Variants in STXBP5L observed in about 807,000 individuals in gnomAD.
STXBP5L encodes syntaxin-binding protein 5-like.
STXBP5L carries 65 observed loss-of-function variants against 144.5 expected under a neutral mutation model. The observed-to-expected ratio is 0.45, with a 90% CI of 0.37 to 0.55. The LOEUF is 0.55. Ranked by LOEUF, STXBP5L falls within the 20% of genes least tolerant of loss-of-function variation. STXBP5L has a pLI of 0.00. For synonymous variants in STXBP5L, 505 were observed against 469.6 expected (o/e 1.08, Z -0.97); for missense variants, 1,298 against 1,405.5 (o/e 0.92, Z 1.22).
At chr3:121,313,715 C>T (rs1338406610) in intron 19 of STXBP5L, among the ~76,000 whole-genome samples, 7 of 83,538 alleles carry the variant, frequency 8.4e-5, no homozygotes, top group South Asian at 6.7e-4. Context: ...CCGGACGGGG[C>T]GGCTGGCCGG....
chr3:121,027,100 T>C (rs1440060429), intron 3 of STXBP5L, among the ~76,000 whole-genome samples: 1 of 150,960 alleles, frequency 6.6e-6, no homozygotes. Flanking sequence ...TGTATATATG[T>C]ATATATATAT....
intron 3 of STXBP5L, among the ~76,000 whole-genome samples, chr3:121,027,569 C>T (rs566576171): frequency 3.3e-5 from 5 of 152,136 alleles, no homozygotes; most frequent in Admixed American, 1.3e-4. Context: ...CCTTTCCATC[C>T]TCAAAGTCCA....
chr3:121,165,531 T>A (rs1305252012), intron 9 of STXBP5L, among the ~76,000 whole-genome samples: 1 of 152,200 alleles, frequency 6.6e-6, no homozygotes, highest in African/African-American at 2.4e-5. Context: ...AGGTTGGACA[T>A]CTCTTTCCTT....
chr3:121,398,433 C>T (rs1356379813), intron 22 of STXBP5L, among the ~76,000 whole-genome samples: 2 of 152,228 alleles, frequency 1.3e-5, no homozygotes, highest in Admixed American at 6.5e-5. Context: ...GGAAATGCCC[C>T]AGTTTAGAAC....
intron 5 of STXBP5L, among the ~76,000 whole-genome samples, chr3:121,103,371 A>G (rs1576965475): frequency 6.6e-6 from 1 of 152,288 alleles, no homozygotes; most frequent in South Asian, 2.1e-4. Flanking sequence ...AAGAAAATGA[A>G]GTCATGTTCT....
intron 3 of STXBP5L, among the ~76,000 whole-genome samples, chr3:121,013,637 T>C (rs1178277123): frequency 6.6e-6 from 1 of 152,030 alleles, no homozygotes; most frequent in African/African-American, 2.4e-5. Flanking sequence ...ACTCTGTTGA[T>C]AGTTTCTTTT....
At chr3:120,977,834 G>A (rs1233400136) in intron 3 of STXBP5L, among the ~76,000 whole-genome samples, 2 of 152,122 alleles carry the variant, frequency 1.3e-5, no homozygotes, top group Non-Finnish European at 2.9e-5. Flanking sequence ...GAAATTCTGG[G>A]TTGAAAATTC....
chr3:121,126,944 CTCTT>C (rs2044730420), intron 7 of STXBP5L, among the ~76,000 whole-genome samples: 1 of 152,140 alleles, frequency 6.6e-6, no homozygotes, highest in Non-Finnish European at 1.5e-5. Flanking sequence ...GCAATTGTGC[CTCTT>C]TCTCACCACA....
intron 25 of STXBP5L, among the ~76,000 whole-genome samples, chr3:121,417,452 T>C (rs2047264924): frequency 6.6e-6 from 1 of 152,172 alleles, no homozygotes. Flanking sequence ...AATAGCTGTT[T>C]TTTTTTCCTT....
In STXBP5L at chr3:121,025,449, T is replaced by C. The variant is rs574350505; in HGVS notation, c.288-16251T>C. Among the ~76,000 whole-genome samples, 48 of 152,252 alleles carry C rather than the reference T, an allele frequency of 3.2e-4. No homozygotes were observed. In the South Asian group the frequency reaches 3.7e-3, roughly 12 times the overall value. On this transcript the variant is annotated intron_variant, in intron 3 of 26. Coordinates refer to ENST00000471454, the MANE Select transcript of STXBP5L (RefSeq NM_001308330.2). ...AATATTATAATGCAAATATTTTCTC[T>C]TGAATAATCAGATCTGAGCCTGAGT...
chr3:121,357,092 C>A, intron 20 of STXBP5L: 1 of 167,552 alleles, frequency 6.0e-6, no homozygotes. Context: ...AAATCCACAT[C>A]TGTAAGAAGA....
intron 3 of STXBP5L, among the ~76,000 whole-genome samples, chr3:120,976,189 T>C (rs1940985433): frequency 6.6e-6 from 1 of 152,204 alleles, no homozygotes; most frequent in African/African-American, 2.4e-5. Flanking sequence ...TCTTTTTGGT[T>C]GGTAAGCTAT....
chr3:121,020,396 A>T (rs1467159446), intron 3 of STXBP5L, among the ~76,000 whole-genome samples: 1 of 152,216 alleles, frequency 6.6e-6, no homozygotes, highest in Admixed American at 6.5e-5. Flanking sequence ...ACATCCAAAT[A>T]CGAGAAGCTC....
At chr3:120,929,537 C>T (rs1709814791) in intron 2 of STXBP5L, among the ~76,000 whole-genome samples, 1 of 151,698 alleles carries the variant, frequency 6.6e-6, no homozygotes, top group African/African-American at 2.4e-5. Flanking sequence ...ACTTTTATTA[C>T]TGGAAATTTA....
At chr3:120,978,695 G>A (rs1367601459) in intron 3 of STXBP5L, among the ~76,000 whole-genome samples, 4 of 152,134 alleles carry the variant, frequency 2.6e-5, no homozygotes, top group Admixed American at 6.5e-5. Context: ...TTTGGTCTTT[G>A]ATGATGGTGA....
At position 121,126,690 on chromosome 3, in the gene STXBP5L, A is replaced by C. The variant is rs184439292; in HGVS notation, c.669+4986A>C. Among the ~76,000 whole-genome samples, 144 of 152,306 alleles carry C rather than the reference A, an allele frequency of 9.5e-4. 1 individual carries two copies. The highest frequency in any genetic ancestry group is 1.9e-4 in the Non-Finnish European group (13 of 68,026). On this transcript the variant is annotated intron_variant, in intron 7 of 26. Transcript: ENST00000471454. ...GTGTTAGTTTCCCATTGTCAAAATAAATTATCATAAATTCAATAGCTTAAA... is the reference window on the plus strand; with the variant it reads ...GTGTTAGTTTCCCATTGTCAAAATACATTATCATAAATTCAATAGCTTAAA...
At chr3:121,267,821 G>C (rs923243240) in intron 18 of STXBP5L, among the ~76,000 whole-genome samples, 1 of 152,118 alleles carries the variant, frequency 6.6e-6, no homozygotes, top group African/African-American at 2.4e-5. Flanking sequence ...CATCATCACT[G>C]GTCATTAGAG....
At position 121,040,235 on chromosome 3, in the gene STXBP5L, G is replaced by T. The variant is rs1331368167; in HGVS notation, c.288-1465G>T. On this transcript the variant is annotated intron_variant, in intron 3 of 26. Coordinates refer to ENST00000471454, the MANE Select transcript of STXBP5L (RefSeq NM_001308330.2). ...ATTTCTATAATTATCCTTGATCTTTGTTTAGTATGCAGTTAAGCTATGTGG... is the reference window on the plus strand; with the variant it reads ...ATTTCTATAATTATCCTTGATCTTTTTTTAGTATGCAGTTAAGCTATGTGG... 5.3e-5 allele frequency among the ~76,000 whole-genome samples: 8 copies of T among 152,004 alleles called. No homozygotes were observed. In the East Asian group the frequency reaches 1.5e-3, roughly 29 times the overall value.
chr3:121,159,572 G>A (rs1456176511), intron 9 of STXBP5L, among the ~76,000 whole-genome samples: 1 of 151,504 alleles, frequency 6.6e-6, no homozygotes, highest in Non-Finnish European at 1.5e-5. Flanking sequence ...TTTATAATCA[G>A]TGCAGAGCCA....
Sources: gnomAD v4.1 joint callset for allele counts (sites outside exome capture counted in the v4.1 genomes callset) on GRCh38, gnomAD v4.1.1 for gene constraint, MANE v1.5 for transcripts, NCBI Gene and HGNC (gene_info 2026-07-23, HGNC 2026-07-21) for gene names.